The following AGMO variants were observed in gnomAD, a reference collection of about 807,000 sequenced individuals.
The protein encoded by AGMO is alkylglycerol monooxygenase.
AGMO carries 75 observed loss-of-function variants against 60.2 expected under a neutral mutation model. That is an observed-to-expected ratio of 1.25 (90% CI 1.03 to 1.51). AGMO has a LOEUF of 1.51. Ranked by LOEUF, AGMO falls within the 40% of genes most tolerant of loss-of-function variation. AGMO has a pLI of 0.00. For missense variants in AGMO, 763 were observed against 525.5 expected, an observed-to-expected ratio of 1.45 and a Z score of -4.42; for synonymous variants, 261 against 177.1, an observed-to-expected ratio of 1.47 and a Z score of -3.76.
intron 2 of AGMO, among the ~76,000 whole-genome samples, chr7:15,559,538 A>T (rs994933745): frequency 1.3e-5 from 2 of 152,086 alleles, no homozygotes; most frequent in African/African-American, 2.4e-5. Flanking sequence ...GGCAAGTAGT[A>T]AAGCATGACA....
intron 3 of AGMO, among the ~76,000 whole-genome samples, chr7:15,531,086 A>ATATATTCTATATATATATTCTG (rs1784316023): frequency 1.2e-4 from 2 of 16,720 alleles, no homozygotes; most frequent in African/African-American, 5.4e-4. Flanking sequence ...TATATTCTAT[A>ATATATTCTATATATATATTCTG]TATATATTCT....
chr7:15,131,118 T>C, the AGMO span, among the ~76,000 whole-genome samples: 1 of 152,094 alleles, frequency 6.6e-6, no homozygotes, highest in Admixed American at 6.6e-5. Flanking sequence ...GAAACATATA[T>C]CAGAAGGAGG....
chr7:15,532,551 T>C (rs1373142331), intron 3 of AGMO, among the ~76,000 whole-genome samples: 2 of 152,186 alleles, frequency 1.3e-5, no homozygotes, highest in African/African-American at 4.8e-5. Context: ...TTGTTAATAT[T>C]ATTTAATAAA....
At chr7:15,191,767 A>G in the AGMO span, among the ~76,000 whole-genome samples, 1 of 152,132 alleles carries the variant, frequency 6.6e-6, no homozygotes, top group African/African-American at 2.4e-5. Context: ...CCAAGTTAGT[A>G]TATTTAGAAT....
At chr7:15,385,403 A>G (rs1479849695) in intron 10 of AGMO, 43 bp downstream of exon 10, 5 of 1,257,706 alleles carry the variant, frequency 4.0e-6, no homozygotes, top group Non-Finnish European at 5.8e-6. Flanking sequence ...CAAACAAAGT[A>G]ACAGATAATG....
intron 12 of AGMO, among the ~76,000 whole-genome samples, chr7:15,247,994 T>C (rs1278700764): frequency 3.3e-5 from 5 of 150,562 alleles, no homozygotes; most frequent in African/African-American, 1.2e-4. Flanking sequence ...CTGAAGTAAG[T>C]GAAGTCTTAA....
chr7:15,140,159 A>T, the AGMO span, among the ~76,000 whole-genome samples: 1 of 152,026 alleles, frequency 6.6e-6, no homozygotes, highest in South Asian at 2.1e-4. Context: ...GGCTTTTGAG[A>T]CTGAGCTCCA....
At chr7:15,216,833 A>AT (rs112966024) in intron 12 of AGMO, among the ~76,000 whole-genome samples, 9 of 147,024 alleles carry the variant, frequency 6.1e-5, no homozygotes, top group African/African-American at 2.2e-4. Context: ...TGAAAGAAAA[A>AT]GTGTGTGTGT....
intron 12 of AGMO, among the ~76,000 whole-genome samples, chr7:15,358,981 T>C (rs1340102302): frequency 6.6e-6 from 1 of 152,146 alleles, no homozygotes; most frequent in Non-Finnish European, 1.5e-5. Context: ...TTCAATGCCA[T>C]TTTTATAAGG....
At chr7:15,253,171 CAA>C (rs1782989639) in intron 12 of AGMO, among the ~76,000 whole-genome samples, 1 of 152,040 alleles carries the variant, frequency 6.6e-6, no homozygotes, top group South Asian at 2.1e-4. Flanking sequence ...GAAATAGAGA[CAA>C]AATTTCTGGA....
At chr7:15,305,442 G>T (rs572819018) in intron 12 of AGMO, among the ~76,000 whole-genome samples, 1 of 151,976 alleles carries the variant, frequency 6.6e-6, no homozygotes. Context: ...AAACATGAAT[G>T]ATCAAAGTTC....
intron 3 of AGMO, among the ~76,000 whole-genome samples, chr7:15,486,251 G>A (rs1364659202): frequency 6.6e-6 from 1 of 152,100 alleles, no homozygotes; most frequent in Non-Finnish European, 1.5e-5. Context: ...ACATATCAAC[G>A]TGGAATTTTC....
chr7:15,258,875 G>A (rs1262929304), intron 12 of AGMO, among the ~76,000 whole-genome samples: 1 of 152,112 alleles, frequency 6.6e-6, no homozygotes, highest in Non-Finnish European at 1.5e-5. Flanking sequence ...GGGGAAGGAG[G>A]AGAACACCAC....
chr7:15,388,834 C>T (rs1365971129), intron 8 of AGMO, among the ~76,000 whole-genome samples: 3 of 152,152 alleles, frequency 2.0e-5, no homozygotes, highest in Non-Finnish European at 4.4e-5. Context: ...AACTTGCCGG[C>T]TTGACATTTC....
the AGMO span, among the ~76,000 whole-genome samples, chr7:15,192,014 T>A: frequency 2.0e-5 from 3 of 151,230 alleles, no homozygotes; most frequent in African/African-American, 7.3e-5. Context: ...CACAGAGAAC[T>A]ATTCATCAAA....
At chr7:15,354,400 GTGTGTACACA>G (rs1782400800) in intron 12 of AGMO, among the ~76,000 whole-genome samples, 10 of 34,904 alleles carry the variant, frequency 2.9e-4, no homozygotes, top group African/African-American at 1.2e-3. Flanking sequence ...GTATACACGT[GTGTGTACACA>G]CGTGTGTGTA....
intron 12 of AGMO, among the ~76,000 whole-genome samples, chr7:15,226,500 T>G (rs1782086086): frequency 6.6e-6 from 1 of 152,074 alleles, no homozygotes; most frequent in Non-Finnish European, 1.5e-5. Flanking sequence ...GACCCCACAT[T>G]AACAAATAAT....
intron 2 of AGMO, among the ~76,000 whole-genome samples, chr7:15,547,273 C>T (rs999605698): frequency 5.9e-5 from 9 of 152,274 alleles, no homozygotes; most frequent in East Asian, 1.9e-4. Flanking sequence ...ATAACCTCTG[C>T]CTTGAAACAA....
intron 12 of AGMO, among the ~76,000 whole-genome samples, chr7:15,246,852 C>A (rs1782757515): frequency 6.6e-6 from 1 of 152,088 alleles, no homozygotes; most frequent in African/African-American, 2.4e-5. Flanking sequence ...TAGTTAAATT[C>A]TCCTATTTTC....
Sources: allele counts gnomAD v4.1 joint callset (sites outside exome capture counted in the v4.1 genomes callset), GRCh38; gene constraint gnomAD v4.1.1; transcripts MANE v1.5; gene names NCBI Gene and HGNC (gene_info 2026-07-23, HGNC 2026-07-21).